HGSNAT: variants seen among roughly 807,000 people sequenced by gnomAD.
The protein encoded by HGSNAT is heparan-alpha-glucosaminide N-acetyltransferase.
HGSNAT carries 59 observed loss-of-function variants against 85.2 expected under a neutral mutation model. The observed-to-expected ratio is 0.69, with a 90% CI of 0.56 to 0.86. The LOEUF (loss-of-function observed/expected upper bound fraction) is 0.86. HGSNAT is among the 40% of genes least tolerant of loss of function. The pLI is 0.00. For missense variants in HGSNAT, 756 were observed against 777.1 expected, an observed-to-expected ratio of 0.97 and a Z score of 0.32; for synonymous variants, 321 against 304.5, an observed-to-expected ratio of 1.05 and a Z score of -0.56.
chr8:43,191,537 G>A lies in HGSNAT; in HGVS notation c.1192G>A (p.Val398Met), dbSNP rs766308373. 1 of 1,613,982 alleles carries A rather than the reference G, an allele frequency of 6.2e-7. No homozygotes were observed. The highest frequency in any genetic ancestry group is 1.7e-5 in the Admixed American group (1 of 60,018). Reference sequence around the variant, plus strand: ...CTGGCCCCAGTGGCTGCTCATCCTGGTGCTGGAAGGCCTGTGGCTGGGCTT... The same window carrying A: ...CTGGCCCCAGTGGCTGCTCATCCTGATGCTGGAAGGCCTGTGGCTGGGCTT... ...SSWPQWLLILVLEGLWLGLTF... is the reference protein window; with the variant it reads ...SSWPQWLLILMLEGLWLGLTF... Residue 398 changes from valine (V) to methionine (M), a missense_variant, in exon 12 of 18, where the codon GTG becomes ATG. Val to Met is a conservative substitution (Grantham distance 21, BLOSUM62 1). Transcript: ENST00000379644.
chr8:43,177,804 G>A (rs549039696), intron 9 of HGSNAT, among the ~76,000 whole-genome samples: 6 of 152,152 alleles, frequency 3.9e-5, no homozygotes, highest in East Asian at 3.9e-4. Flanking sequence ...TTTTGATAAC[G>A]AAATGGGAGG....
intron 1 of HGSNAT, among the ~76,000 whole-genome samples, chr8:43,143,381 G>A (rs1209498553): frequency 1.3e-5 from 2 of 152,174 alleles, no homozygotes; most frequent in Non-Finnish European, 2.9e-5. Flanking sequence ...GGAGGGATCT[G>A]TTGAGGCTCA....
At chr8:43,174,858 T>C (rs537433433) in intron 9 of HGSNAT, among the ~76,000 whole-genome samples, 1 of 152,218 alleles carries the variant, frequency 6.6e-6, no homozygotes, top group Non-Finnish European at 1.5e-5. Flanking sequence ...TACTTGATCT[T>C]ATTCATTCCA....
rs200750044 is a variant in HGSNAT, at chr8:43,191,595, C to T, written c.1250C>T (p.Thr417Ile). 2.7e-4 allele frequency: 434 copies of T among 1,613,784 alleles called. 1 individual carries two copies. In the African/African-American group the frequency reaches 4.5e-3, roughly 17 times the overall value. The change falls in exon 12 of 18, where the codon ACT becomes ATT. Residue 417 changes from threonine (T) to isoleucine (I), a missense_variant and splice_region_variant. Thr to Ile is a moderately conservative substitution (Grantham distance 89). Coordinates refer to ENST00000379644, the MANE Select transcript of HGSNAT (RefSeq NM_152419.3). ...TFLLPVPGCPTGYLGPGGIGD... is the reference protein window; with the variant it reads ...TFLLPVPGCPIGYLGPGGIGD... ...CTCCTGCCAGTCCCTGGGTGCCCTA[C>T]GTAAGCGAACCCCTGGGGGTCATCC...
At chr8:43,149,699 CA>C (rs932162299) in intron 2 of HGSNAT, among the ~76,000 whole-genome samples, 179 of 129,082 alleles carry the variant, frequency 1.4e-3, no homozygotes, top group Middle Eastern at 4.5e-3. Flanking sequence ...GACTCTGTCT[CA>C]AAAAAAAAAA....
At chr8:43,144,324 C>CAAA (rs1398224071) in intron 1 of HGSNAT, among the ~76,000 whole-genome samples, 3 of 64,974 alleles carry the variant, frequency 4.6e-5, no homozygotes, top group African/African-American at 1.8e-4. Context: ...GACTCTGTCT[C>CAAA]AAAAAAAAAA....
intron 17 of HGSNAT, 149 bp from the exon 18 acceptor site, chr8:43,199,239 A>T: frequency 1.7e-6 from 1 of 579,176 alleles, no homozygotes; most frequent in Non-Finnish European, 3.0e-6. Context: ...TTAAATACCT[A>T]AGATATGCAT....
chr8:43,185,627 A>C (rs1804280013), intron 11 of HGSNAT, among the ~76,000 whole-genome samples: 1 of 152,104 alleles, frequency 6.6e-6, no homozygotes, highest in Admixed American at 6.6e-5. Flanking sequence ...AATACCTTTT[A>C]TTTCTTTCTC....
chr8:43,140,563 C>A lies in HGSNAT; in HGVS notation c.67C>A (p.Leu23Met), dbSNP rs1198688385. Residue 23 changes from leucine (L) to methionine (M), a missense_variant, in exon 1 of 18, where the codon CTG (leucine) becomes ATG (methionine). Coordinates refer to ENST00000379644, the MANE Select transcript of HGSNAT (RefSeq NM_152419.3). The part of the protein sequence containing the change: ...LAASVLSAAL[L>M]APGGSSGRDA... ...CGCGTCCGTGCTGAGCGCCGCGCTG[C>A]TGGCCCCCGGCGGCTCTTCGGGGCG... 8.2e-7 allele frequency: 1 copy of A among 1,215,428 alleles called. No individual in the cohort carries two copies. The highest frequency in any genetic ancestry group is 1.0e-6 in the Non-Finnish European group (1 of 970,958). 75.3% of individuals were successfully genotyped at this position (1,215,428 alleles called of 1,614,324 possible).
At chr8:43,159,599 T>C (rs953972160) in intron 4 of HGSNAT, among the ~76,000 whole-genome samples, 13 of 152,150 alleles carry the variant, frequency 8.5e-5, no homozygotes, top group African/African-American at 2.7e-4. Context: ...AAAAAAATTA[T>C]ATGATATATC....
chr8:43,179,556 C>T lies in HGSNAT; in HGVS notation c.1012+1322C>T, dbSNP rs868076413. Among the ~76,000 whole-genome samples, 21 of 129,324 alleles carry T rather than the reference C, an allele frequency of 1.6e-4. 1 individual carries two copies. In the South Asian group the frequency reaches 4.4e-3, roughly 27 times the overall value. 84.8% of individuals were successfully genotyped at this position (129,324 alleles called of 152,430 possible). On this transcript the variant is annotated intron_variant, in intron 10 of 17. Transcript: ENST00000379644. ...CCGACCCCCCCCACCGCCTCCCTCC[C>T]GGACGGGGCGGCTGGCCGGACAGAG...
chr8:43,177,328 G>T (rs947371890), intron 9 of HGSNAT, among the ~76,000 whole-genome samples: 1 of 151,836 alleles, frequency 6.6e-6, no homozygotes, highest in Non-Finnish European at 1.5e-5. Context: ...GAGGCGGGCG[G>T]ATCACAAGGT....
intron 11 of HGSNAT, among the ~76,000 whole-genome samples, chr8:43,184,816 A>G (rs1462596728): frequency 6.6e-6 from 1 of 152,176 alleles, no homozygotes; most frequent in African/African-American, 2.4e-5. Context: ...TTTTTGTATA[A>G]GGTGTAAGGA....
At chr8:43,185,640 G>A (rs1232876049) in intron 11 of HGSNAT, among the ~76,000 whole-genome samples, 1 of 152,112 alleles carries the variant, frequency 6.6e-6, no homozygotes, top group Non-Finnish European at 1.5e-5. Context: ...TCTTTCTCCT[G>A]CCTGATTGCC....
At chr8:43,142,048 C>A (rs1175690244) in intron 1 of HGSNAT, among the ~76,000 whole-genome samples, 1 of 151,986 alleles carries the variant, frequency 6.6e-6, no homozygotes, top group Non-Finnish European at 1.5e-5. Flanking sequence ...CATCTTCCTT[C>A]TTTTTGAAAA....
At chr8:43,140,642 G>T (rs1295970485) in intron 1 of HGSNAT, 28 bp downstream of exon 1, 3 of 1,122,804 alleles carry the variant, frequency 2.7e-6, no homozygotes, top group Admixed American at 4.1e-5. Context: ...ACCGCCGCCC[G>T]GCCGGCTACG....
chr8:43,172,607 A>AAT (rs1311644971), intron 8 of HGSNAT, among the ~76,000 whole-genome samples: 1 of 152,168 alleles, frequency 6.6e-6, no homozygotes, highest in African/African-American at 2.4e-5. Flanking sequence ...GTAAAGCTTC[A>AAT]CTGTAATAAC....
chr8:43,169,153 A>G lies in HGSNAT; in HGVS notation c.564-20A>G. ...TCTGCCAATGAAAATAAATTAATTG[A>G]GCCCTTTATTTATTTTCAGTTTGGA... is the stretch of plus-strand genomic sequence containing the variant. On this transcript the variant is annotated intron_variant, in intron 5 of 17. Transcript: ENST00000379644. 1 of 1,450,694 alleles carries G rather than the reference A, an allele frequency of 6.9e-7. No individual in the cohort carries two copies. 89.9% of individuals were successfully genotyped at this position (1,450,694 alleles called of 1,614,324 possible). A position where few individuals can be genotyped will look rare whatever the true frequency, so the allele number is the denominator to read the frequency against.
intron 2 of HGSNAT, among the ~76,000 whole-genome samples, chr8:43,149,331 T>C (rs992349072): frequency 8.5e-5 from 13 of 152,266 alleles, no homozygotes; most frequent in East Asian, 5.8e-4. Flanking sequence ...AAGACACTTA[T>C]GACTCTTTTA....
Sources: gnomAD v4.1 joint callset for allele counts (sites outside exome capture counted in the v4.1 genomes callset) on GRCh38, gnomAD v4.1.1 for gene constraint, MANE v1.5 for transcripts, NCBI Gene and HGNC (gene_info 2026-07-23, HGNC 2026-07-21) for gene names.